Variants in KCNH5 observed in about 807,000 individuals in gnomAD.
KCNH5 encodes voltage-gated delayed rectifier potassium channel KCNH5.
A neutral mutation model predicts 96.1 loss-of-function variants in KCNH5; 46 were observed. The observed-to-expected ratio is 0.48, with a 90% CI of 0.38 to 0.61. KCNH5 has a LOEUF of 0.61. Ranked by LOEUF, KCNH5 falls within the 20% of genes least tolerant of loss-of-function variation. KCNH5 has a pLI of 0.00. For synonymous variants in KCNH5, 439 were observed against 449.8 expected (o/e 0.98, Z 0.30); for missense variants, 907 against 1,225.8 (o/e 0.74, Z 3.88).
intron 10 of KCNH5, among the ~76,000 whole-genome samples, chr14:62,729,311 C>T (rs1885001297): frequency 6.6e-6 from 1 of 152,204 alleles, no homozygotes; most frequent in South Asian, 2.1e-4. Context: ...TATAATGTAT[C>T]ATCTAAACTT....
intron 10 of KCNH5, among the ~76,000 whole-genome samples, chr14:62,731,196 G>C (rs1885042007): frequency 6.6e-6 from 1 of 152,002 alleles, no homozygotes. Flanking sequence ...AGCTACTTGG[G>C]AGGCTGAAGC....
intron 7 of KCNH5, among the ~76,000 whole-genome samples, chr14:62,892,525 G>A (rs1178685748): frequency 2.0e-5 from 3 of 152,226 alleles, no homozygotes; most frequent in Admixed American, 6.5e-5. Flanking sequence ...AAGATGCCTG[G>A]TAAAAATGGC....
chr14:62,911,899 G>A (rs374957095), intron 7 of KCNH5, among the ~76,000 whole-genome samples: 19 of 151,618 alleles, frequency 1.3e-4, no homozygotes, highest in East Asian at 1.9e-4. Flanking sequence ...TTAGCTGGGC[G>A]TGGTGGCAGG....
intron 6 of KCNH5, among the ~76,000 whole-genome samples, chr14:62,957,239 T>C (rs561730021): frequency 6.6e-6 from 1 of 152,326 alleles, no homozygotes; most frequent in South Asian, 2.1e-4. Flanking sequence ...CAGCATAAAA[T>C]AATATCTTGC....
intron 9 of KCNH5, among the ~76,000 whole-genome samples, chr14:62,793,664 C>T (rs910912025): frequency 3.2e-4 from 48 of 151,624 alleles, no homozygotes; most frequent in African/African-American, 1.1e-3. Context: ...AAATAAAATG[C>T]TACCACTTAA....
chr14:63,009,364 T>C (rs746363404), intron 2 of KCNH5, among the ~76,000 whole-genome samples: 1 of 152,178 alleles, frequency 6.6e-6, no homozygotes, highest in African/African-American at 2.4e-5. Context: ...CATAAAAATT[T>C]CATAATACAC....
intron 7 of KCNH5, among the ~76,000 whole-genome samples, chr14:62,944,606 A>G (rs1889851138): frequency 6.6e-6 from 1 of 152,124 alleles, no homozygotes; most frequent in Admixed American, 6.6e-5. Flanking sequence ...GTGTTCTTGT[A>G]GGAAAAAAAT....
chr14:62,800,209 C>G (rs1002731566), intron 9 of KCNH5, among the ~76,000 whole-genome samples: 1 of 151,844 alleles, frequency 6.6e-6, no homozygotes, highest in Admixed American at 6.6e-5. Context: ...TCATTAAGCA[C>G]AAGATGTGAA....
At chr14:63,025,283 A>C (rs1401584200) in intron 1 of KCNH5, among the ~76,000 whole-genome samples, 1 of 152,112 alleles carries the variant, frequency 6.6e-6, no homozygotes, top group Non-Finnish European at 1.5e-5. Flanking sequence ...TCAATGACAA[A>C]AAGTTGAAAG....
At chr14:62,847,010 C>T (rs1240030241) in intron 8 of KCNH5, among the ~76,000 whole-genome samples, 1 of 149,320 alleles carries the variant, frequency 6.7e-6, no homozygotes, top group Non-Finnish European at 1.5e-5. Flanking sequence ...CAGTGTTAGC[C>T]AGGATGGTCT....
At position 62,728,225 on chromosome 14, in the gene KCNH5, CAA is replaced by C. The variant is rs5809166; in HGVS notation, c.2020-19772_2020-19771del. 9.3e-3 allele frequency among the ~76,000 whole-genome samples: 1,344 copies of C among 144,224 alleles called. 48 individuals carry two copies. The highest frequency in any genetic ancestry group is 0.062 in the Admixed American group (900 of 14,410). 94.6% of individuals were successfully genotyped at this position (144,224 alleles called of 152,430 possible). Reference sequence around the variant, plus strand: ...GCGAAACCCTATCTCTATTAAACTACAAAAAAAAAAAAATAGCTGGGCGTGGT... The same window carrying C: ...GCGAAACCCTATCTCTATTAAACTACAAAAAAAAAAATAGCTGGGCGTGGT... On this transcript the variant is annotated intron_variant, in intron 10 of 10. Transcript: ENST00000322893.
intron 10 of KCNH5, among the ~76,000 whole-genome samples, chr14:62,736,373 G>C (rs186643210): frequency 6.6e-6 from 1 of 150,612 alleles, no homozygotes; most frequent in East Asian, 2.0e-4. Flanking sequence ...TCTTAGACAA[G>C]CCCCTCATTC....
At chr14:62,721,518 CTCTT>C (rs1488382745) in intron 10 of KCNH5, among the ~76,000 whole-genome samples, 1 of 151,930 alleles carries the variant, frequency 6.6e-6, no homozygotes, top group African/African-American at 2.4e-5. Flanking sequence ...CTCTCTCTCT[CTCTT>C]TCTATGGCAA....
chr14:62,959,064 T>A (rs1890159077), intron 6 of KCNH5, among the ~76,000 whole-genome samples: 1 of 152,070 alleles, frequency 6.6e-6, no homozygotes, highest in South Asian at 2.1e-4. Context: ...ATCCTTGCCA[T>A]CCCTTTCTCT....
chr14:62,996,462 T>C (rs575217119), intron 4 of KCNH5, among the ~76,000 whole-genome samples: 145 of 152,312 alleles, frequency 9.5e-4, no homozygotes, highest in African/African-American at 3.4e-3. Flanking sequence ...TCCCTATAAA[T>C]TCTAATTTAC....
At chr14:62,857,747 C>A (rs578030727) in intron 7 of KCNH5, among the ~76,000 whole-genome samples, 4 of 152,100 alleles carry the variant, frequency 2.6e-5, no homozygotes, top group African/African-American at 4.8e-5. Flanking sequence ...GGTGGGTCTA[C>A]CCTTCCCAGT....
At chr14:62,845,445 A>G (rs954902489) in intron 8 of KCNH5, among the ~76,000 whole-genome samples, 3 of 143,844 alleles carry the variant, frequency 2.1e-5, no homozygotes, top group Admixed American at 2.0e-4. Context: ...ATAAACATAA[A>G]TAGATAGGTA....
intron 9 of KCNH5, among the ~76,000 whole-genome samples, chr14:62,793,569 G>C (rs1329483867): frequency 6.6e-6 from 1 of 151,722 alleles, no homozygotes; most frequent in Non-Finnish European, 1.5e-5. Context: ...GAGATTCAAA[G>C]CACAGGTTTT....
rs931018594 is a variant in KCNH5, at chr14:62,785,796, T to G, written c.1823-5872A>C. ...TACAGACTATGGTATGCTTAGGGAT[T>G]ATGGTCCCCAAAGGGGCTGATTTTA... is the stretch of plus-strand genomic sequence containing the variant. On this transcript the variant is annotated intron_variant, in intron 9 of 10. Coordinates refer to ENST00000322893, the MANE Select transcript of KCNH5 (RefSeq NM_139318.5). Among the ~76,000 whole-genome samples the G allele has an allele frequency of 2.0e-5, 3 of 152,234 alleles. 1 individual carries two copies. The highest frequency in any genetic ancestry group is 7.2e-5 in the African/African-American group (3 of 41,458).
Sources: gnomAD v4.1 joint callset for allele counts (sites outside exome capture counted in the v4.1 genomes callset) on GRCh38, gnomAD v4.1.1 for gene constraint, MANE v1.5 for transcripts, NCBI Gene and HGNC (gene_info 2026-07-23, HGNC 2026-07-21) for gene names.